Variants in PHF2 observed in about 807,000 individuals in gnomAD.
PHF2 encodes the protein PHD finger protein 2, also known as lysine-specific demethylase PHF2.
Under a neutral mutation model 120.5 loss-of-function variants are expected in PHF2, and 27 were observed. That is an observed-to-expected ratio of 0.22 (90% CI 0.17 to 0.31). The LOEUF (loss-of-function observed/expected upper bound fraction) is 0.31. PHF2 is among the 10% of genes least tolerant of loss of function. The pLI, the probability that PHF2 is intolerant of heterozygous loss-of-function variation, is 1.00. For missense variants in PHF2, 1,024 were observed against 1,434.8 expected, an observed-to-expected ratio of 0.71 and a Z score of 4.63; for synonymous variants, 568 against 592.5, an observed-to-expected ratio of 0.96 and a Z score of 0.60.
At position 93,676,809 on chromosome 9, in the gene PHF2, G is replaced by A. The variant is rs751289477; in HGVS notation, c.3048G>A (p.Ser1016=). 2.5e-4 allele frequency: 396 copies of A among 1,554,450 alleles called. No individual in the cohort carries two copies. Among genetic ancestry groups the A allele is most frequent in the Non-Finnish European group, 3.2e-4 (365 of 1,148,810 alleles). The change falls in exon 21 of 22, where the codon TCG becomes TCA. Residue 1016 remains serine (S), a synonymous_variant. Coordinates refer to ENST00000359246, the MANE Select transcript of PHF2 (RefSeq NM_005392.4). ...GCTCGCCAGAGCCCCCGCCTGAGTC[G>A]CATAGCAGCAGCCTGGCGGACCATG... ...EGSSPEPPPE[S]HSSSLADHEY...
intron 1 of PHF2, among the ~76,000 whole-genome samples, chr9:93,618,541 C>T (rs915446315): frequency 5.9e-5 from 9 of 152,224 alleles, no homozygotes; most frequent in African/African-American, 2.2e-4. Flanking sequence ...TGCACATACG[C>T]ACACATATTT....
chr9:93,634,737 C>A (rs771870479), intron 2 of PHF2, among the ~76,000 whole-genome samples: 1 of 152,258 alleles, frequency 6.6e-6, no homozygotes, highest in Non-Finnish European at 1.5e-5. Context: ...CTCGCAGACA[C>A]TCCCCCTGTG....
chr9:93,604,504 G>A lies in PHF2; in HGVS notation c.99-25466G>A, dbSNP rs1401319983. ...TTTTGAGACAGAGTCTCGCTCTGTCGCCCAGGCTGGAGTGCAGTGGCGCGA... is the reference window on the plus strand; with the variant it reads ...TTTTGAGACAGAGTCTCGCTCTGTCACCCAGGCTGGAGTGCAGTGGCGCGA... On this transcript the variant is annotated intron_variant, in intron 1 of 21. Transcript: ENST00000359246. Among the ~76,000 whole-genome samples the A allele has an allele frequency of 6.1e-5, 9 of 148,420 alleles. No homozygotes were observed. The South Asian group carries it at 6.4e-4, about 11-fold the overall frequency.
intron 1 of PHF2, among the ~76,000 whole-genome samples, chr9:93,606,204 A>G (rs1237621062): frequency 2.6e-5 from 4 of 152,114 alleles, no homozygotes; most frequent in Non-Finnish European, 5.9e-5. Context: ...TCCTGAGCTC[A>G]AGCAATCCAC....
chr9:93,597,603 C>G lies in PHF2; in HGVS notation c.98+20732C>G, dbSNP rs369439392. 2.2e-4 allele frequency among the ~76,000 whole-genome samples: 33 copies of G among 152,178 alleles called. 2 individuals are homozygous for G. In the East Asian group the frequency reaches 4.8e-3, roughly 22 times the overall value. Reference sequence around the variant, plus strand: ...ACAGCATGGCTATGGCTTGGCTGCTCGGCTTGAGTTTCAGGGTACAGGTAT... The same window carrying G: ...ACAGCATGGCTATGGCTTGGCTGCTGGGCTTGAGTTTCAGGGTACAGGTAT... On this transcript the variant is annotated intron_variant, in intron 1 of 21. Coordinates refer to ENST00000359246, the MANE Select transcript of PHF2 (RefSeq NM_005392.4).
At chr9:93,593,106 A>AAAAGG (rs1564373972) in intron 1 of PHF2, among the ~76,000 whole-genome samples, 21 of 22,912 alleles carry the variant, frequency 9.2e-4, no homozygotes, top group East Asian at 2.2e-3. Context: ...AAAAAAAAAA[A>AAAAGG]AAAAAGAAAA....
At position 93,628,975 on chromosome 9, in the gene PHF2, C is replaced by T. The variant is rs536229794; in HGVS notation, c.99-995C>T. ...GCAGTGGTGCAATCTCGGCTCACTG[C>T]AACCTCTGCCTTCCAGGCTCAAACA... On this transcript the variant is annotated intron_variant, in intron 1 of 21. Transcript: ENST00000359246. 1.6e-4 allele frequency among the ~76,000 whole-genome samples: 24 copies of T among 152,260 alleles called. No homozygotes were observed. In the South Asian group the frequency reaches 4.1e-3, roughly 26 times the overall value.
At chr9:93,608,960 GTTAT>G (rs1825589701) in intron 1 of PHF2, among the ~76,000 whole-genome samples, 1 of 150,966 alleles carries the variant, frequency 6.6e-6, no homozygotes. Flanking sequence ...TATTGCTCCT[GTTAT>G]TTGTTTTGTT....
At chr9:93,603,081 G>T (rs1825474778) in intron 1 of PHF2, among the ~76,000 whole-genome samples, 3 of 152,226 alleles carry the variant, frequency 2.0e-5, no homozygotes, top group South Asian at 2.1e-4. Context: ...TCCTCTCAGG[G>T]CCCTGGGGCT....
At position 93,591,864 on chromosome 9, in the gene PHF2, G is replaced by A. The variant is rs1263541033; in HGVS notation, c.98+14993G>A. Among the ~76,000 whole-genome samples, 6 of 152,192 alleles carry A rather than the reference G, an allele frequency of 3.9e-5. No homozygotes were observed. The South Asian group carries it at 8.3e-4, about 21-fold the overall frequency. On this transcript the variant is annotated intron_variant, in intron 1 of 21. Coordinates refer to ENST00000359246, the MANE Select transcript of PHF2 (RefSeq NM_005392.4). The stretch of plus-strand genomic sequence containing the variant: ...AACCCCAGATGCTTGGCCGTTGCTC[G>A]GGGACCTAGCTGTGTGGCCTGCTCC...
intron 1 of PHF2, among the ~76,000 whole-genome samples, chr9:93,616,801 C>T (rs1825737047): frequency 6.6e-6 from 1 of 152,012 alleles, no homozygotes; most frequent in Admixed American, 6.6e-5. Context: ...GGATTATAGG[C>T]GTGTGCCACT....
intron 14 of PHF2, 150 bp from the exon 15 acceptor site, chr9:93,665,536 C>T: frequency 1.2e-6 from 1 of 814,802 alleles, no homozygotes; most frequent in Non-Finnish European, 1.9e-6. Flanking sequence ...CCTGAGGCTT[C>T]TTCGGATGGA....
chr9:93,677,123 T>C lies in PHF2; in HGVS notation c.3202+160T>C, dbSNP rs538104362. 6.8e-6 allele frequency among the ~76,000 whole-genome samples: 1 copy of C among 147,772 alleles called. No individual in the cohort carries two copies. The highest frequency in any genetic ancestry group is 2.5e-5 in the African/African-American group (1 of 40,312). On this transcript the variant is annotated intron_variant, in intron 21 of 21. Transcript: ENST00000359246. This position sits in a 1 kb window ranked among gnomAD's most constrained non-coding sequence, Gnocchi z 4.4. ...CTGTGGTCCAAGTTGGTTGCATCTT[T>C]GTGTGAGCGTATCCCACAGTACAGG...
chr9:93,596,230 C>T (rs1825330385), intron 1 of PHF2, among the ~76,000 whole-genome samples: 1 of 152,030 alleles, frequency 6.6e-6, no homozygotes, highest in South Asian at 2.1e-4. Flanking sequence ...TATTGGGACC[C>T]CCTGTGCCCA....
intron 2 of PHF2, among the ~76,000 whole-genome samples, chr9:93,635,461 C>T (rs1826074417): frequency 2.0e-5 from 3 of 152,324 alleles, no homozygotes; most frequent in Admixed American, 2.0e-4. Flanking sequence ...CAAGGGTCAG[C>T]CTGTGTCAGA....
intron 1 of PHF2, among the ~76,000 whole-genome samples, chr9:93,628,469 T>C (rs761164285): frequency 4.6e-5 from 7 of 152,384 alleles, no homozygotes; most frequent in Admixed American, 1.3e-4. Flanking sequence ...TTTGTGTGCT[T>C]CTGAGCATTT....
intron 1 of PHF2, among the ~76,000 whole-genome samples, chr9:93,620,073 C>T (rs1237816092): frequency 6.6e-6 from 1 of 152,220 alleles, no homozygotes; most frequent in Admixed American, 6.5e-5. Context: ...CCTGGCTCAC[C>T]TGACCACAAG....
Position 93,593,105 on chromosome 9 carries a change from A to AAAAAG in PHF2, c.98+16238_98+16239insGAAAA. Among the ~76,000 whole-genome samples, 2 of 122,716 alleles carry AAAAAG rather than the reference A, an allele frequency of 1.6e-5. 1 individual carries two copies. Among genetic ancestry groups the AAAAAG allele is most frequent in the Admixed American group, 1.7e-4 (2 of 11,736 alleles). 80.5% of individuals were successfully genotyped at this position (122,716 alleles called of 152,430 possible). A position where few individuals can be genotyped will look rare whatever the true frequency, so the allele number is the denominator to read the frequency against. ...ATGCCAAAAAAAAAAAAAAAAAAAA[A>AAAAAG]AAAAAAGAAAAAAAAAGGACTAAGA... On this transcript the variant is annotated intron_variant, in intron 1 of 21. Coordinates refer to ENST00000359246, the MANE Select transcript of PHF2 (RefSeq NM_005392.4).
In PHF2 at chr9:93,658,255, A is replaced by T. The variant is rs1447733904; in HGVS notation, c.1239+19A>T. 7 of 1,592,534 alleles carry T rather than the reference A, an allele frequency of 4.4e-6. No individual in the cohort carries two copies. Among genetic ancestry groups the T allele is most frequent in the South Asian group, 2.2e-5 (2 of 89,440 alleles). Reference sequence around the variant, plus strand: ...GAAGCAGGTAGGAATCATGTCACAAATGCCCTAGGGCAGGAGAGCAGTGAC... The same window carrying T: ...GAAGCAGGTAGGAATCATGTCACAATTGCCCTAGGGCAGGAGAGCAGTGAC... On this transcript the variant is annotated intron_variant, in intron 10 of 21. Coordinates refer to ENST00000359246, the MANE Select transcript of PHF2 (RefSeq NM_005392.4).
Sources: gnomAD v4.1 joint callset for allele counts (sites outside exome capture counted in the v4.1 genomes callset) on GRCh38, gnomAD v4.1.1 for gene constraint, Gnocchi (gnomAD v3.1) non-coding constraint, MANE v1.5 for transcripts, NCBI Gene and HGNC (gene_info 2026-07-23, HGNC 2026-07-21) for gene names.